The following PPM1B variants were observed in gnomAD, a reference collection of about 807,000 sequenced individuals.
PPM1B encodes the protein protein phosphatase 1B.
A neutral mutation model predicts 43.0 loss-of-function variants in PPM1B; 22 were observed. The ratio of observed to expected loss-of-function variants is 0.51; its 90% CI spans 0.37 to 0.73. The LOEUF (loss-of-function observed/expected upper bound fraction) is 0.73, where lower values mean the gene tolerates loss of function less well. Ranked by LOEUF, PPM1B falls within the 30% of genes least tolerant of loss-of-function variation. PPM1B has a pLI of 0.00. For synonymous variants in PPM1B, 217 were observed against 197.9 expected (o/e 1.10, Z -0.81); for missense variants, 632 against 584.2 (o/e 1.08, Z -0.84).
At chr2:44,241,780 C>T (rs9752494) in intron 5 of PPM1B, among the ~76,000 whole-genome samples, 33,929 of 149,224 alleles carry the variant, frequency 0.23, 4,894 homozygotes, top group African/African-American at 0.41. Context: ...TGGCATATAA[C>T]ACAGAAATAA....
chr2:44,199,886 T>C (rs1226561898), intron 1 of PPM1B, among the ~76,000 whole-genome samples: 2 of 152,188 alleles, frequency 1.3e-5, no homozygotes, highest in African/African-American at 4.8e-5. Flanking sequence ...GTTCATCAGA[T>C]TTTTTTAAAT....
intron 1 of PPM1B, among the ~76,000 whole-genome samples, chr2:44,177,418 C>CTTTT (rs35330548): frequency 0.11 from 13,877 of 122,372 alleles, 1,265 homozygotes; most frequent in African/African-American, 0.19. Context: ...GTGAAATAAC[C>CTTTT]TTTTTTTTTT....
chr2:44,232,598 C>T (rs964394907), downstream of PPM1B: 64 of 1,284,034 alleles, frequency 5.0e-5, no homozygotes, highest in African/African-American at 4.5e-4. Context: ...ATTGAACTTT[C>T]GGCCCTAGAA....
chr2:44,187,781 G>T (rs780223866), intron 1 of PPM1B, among the ~76,000 whole-genome samples: 1 of 151,766 alleles, frequency 6.6e-6, no homozygotes, highest in Non-Finnish European at 1.5e-5. Context: ...ATGGAGTCTT[G>T]CTCTGTCGCC....
chr2:44,184,477 T>C (rs1305230447), intron 1 of PPM1B, among the ~76,000 whole-genome samples: 1 of 152,194 alleles, frequency 6.6e-6, no homozygotes. Flanking sequence ...TTTTAAATTA[T>C]ATTTACTCTG....
At chr2:44,211,455 T>C (rs1222188046) in intron 3 of PPM1B, among the ~76,000 whole-genome samples, 1 of 152,202 alleles carries the variant, frequency 6.6e-6, no homozygotes, top group Non-Finnish European at 1.5e-5. Flanking sequence ...GATTCTAGAT[T>C]CTTCTCAGTG....
intron 1 of PPM1B, among the ~76,000 whole-genome samples, chr2:44,173,290 A>G (rs769094884): frequency 1.3e-5 from 2 of 152,230 alleles, no homozygotes; most frequent in Non-Finnish European, 2.9e-5. Flanking sequence ...TATATAGTGT[A>G]TTTATTTCTC....
chr2:44,238,512 G>C (rs1171188533), downstream of PPM1B, among the ~76,000 whole-genome samples: 1 of 151,874 alleles, frequency 6.6e-6, no homozygotes, highest in African/African-American at 2.4e-5. Flanking sequence ...GACCGGCCTG[G>C]CCAACCTGGT....
chr2:44,236,908 T>C (rs991988966), downstream of PPM1B, among the ~76,000 whole-genome samples: 1 of 151,612 alleles, frequency 6.6e-6, no homozygotes, highest in African/African-American at 2.4e-5. Context: ...GAACACATTT[T>C]GTTTTGAGAA....
At chr2:44,177,094 A>G (rs573250855) in intron 1 of PPM1B, among the ~76,000 whole-genome samples, 3 of 152,168 alleles carry the variant, frequency 2.0e-5, no homozygotes, top group Non-Finnish European at 4.4e-5. Flanking sequence ...TTCATTTTTA[A>G]TGTATTTTTG....
chr2:44,197,839 A>T (rs1394299686), intron 1 of PPM1B, among the ~76,000 whole-genome samples: 1 of 152,248 alleles, frequency 6.6e-6, no homozygotes, highest in Non-Finnish European at 1.5e-5. Context: ...GATATAGTGT[A>T]TATCAGTATC....
chr2:44,219,386 T>A (rs981645676), intron 5 of PPM1B, among the ~76,000 whole-genome samples: 3 of 151,940 alleles, frequency 2.0e-5, no homozygotes, highest in African/African-American at 4.8e-5. Flanking sequence ...CTTGGCAGAT[T>A]GAGAGAGAGA....
At chr2:44,178,026 T>G (rs1667671324) in intron 1 of PPM1B, among the ~76,000 whole-genome samples, 1 of 149,764 alleles carries the variant, frequency 6.7e-6, no homozygotes, top group African/African-American at 2.5e-5. Flanking sequence ...CCAGTGATCC[T>G]CCCACCTCAG....
intron 5 of PPM1B, among the ~76,000 whole-genome samples, chr2:44,224,455 CAAAAAAAAA>C (rs75767532): frequency 1.4e-4 from 12 of 84,678 alleles, no homozygotes; most frequent in African/African-American, 5.6e-4. Flanking sequence ...ACTCCGTCTC[CAAAAAAAAA>C]AAAAAAAAAA....
At chr2:44,194,464 C>T (rs1290651426) in intron 1 of PPM1B, among the ~76,000 whole-genome samples, 1 of 151,788 alleles carries the variant, frequency 6.6e-6, no homozygotes, top group Non-Finnish European at 1.5e-5. Flanking sequence ...TGGCTCATGC[C>T]TGTAATCCCA....
At chr2:44,206,600 A>G (rs1669199684) in intron 2 of PPM1B, among the ~76,000 whole-genome samples, 1 of 152,268 alleles carries the variant, frequency 6.6e-6, no homozygotes. Context: ...GAAATGTTCC[A>G]CAATGCTCAT....
chr2:44,246,542 T>C (rs895685117), downstream of PPM1B, among the ~76,000 whole-genome samples: 6 of 152,294 alleles, frequency 3.9e-5, no homozygotes, highest in African/African-American at 1.4e-4. Flanking sequence ...AGGATGCAAA[T>C]TGACCAATCT....
chr2:44,200,365 A>C (rs763342499), intron 1 of PPM1B, among the ~76,000 whole-genome samples: 6 of 152,218 alleles, frequency 3.9e-5, no homozygotes, highest in Admixed American at 3.9e-4. Flanking sequence ...GCTTTATTCT[A>C]TAAAATAGTA....
intron 1 of PPM1B, among the ~76,000 whole-genome samples, chr2:44,183,883 C>A (rs960346881): frequency 6.6e-6 from 1 of 152,190 alleles, no homozygotes; most frequent in African/African-American, 2.4e-5. Context: ...GGACTACAGG[C>A]ATCCGCCACC....
Sources: allele counts gnomAD v4.1 joint callset (sites outside exome capture counted in the v4.1 genomes callset), GRCh38; gene constraint gnomAD v4.1.1; transcripts MANE v1.5; gene names NCBI Gene and HGNC (gene_info 2026-07-23, HGNC 2026-07-21).